The following UNC13D variants were observed in gnomAD, a reference collection of about 807,000 sequenced individuals.
UNC13D encodes the protein protein unc-13 homolog D.
Under a neutral mutation model 151.7 loss-of-function variants are expected in UNC13D, and 115 were observed. The ratio of observed to expected loss-of-function variants is 0.76; its 90% CI spans 0.65 to 0.88. UNC13D has a LOEUF of 0.88. Ranked by LOEUF, UNC13D falls within the 40% of genes least tolerant of loss-of-function variation. UNC13D has a pLI of 0.00. For missense variants in UNC13D, 1,369 were observed against 1,438.7 expected, an observed-to-expected ratio of 0.95 and a Z score of 0.78; for synonymous variants, 588 against 612.2, an observed-to-expected ratio of 0.96 and a Z score of 0.58.
At position 75,827,276 on chromosome 17, in the gene UNC13D, T is replaced by C. The variant is rs542626048; in HGVS notation, c.*689A>G. The C allele has an allele frequency of 2.1e-6, 1 of 469,664 alleles. No homozygotes were observed. 29.1% of individuals were successfully genotyped at this position (469,664 alleles called of 1,614,324 possible). ...TATTAATTTTTTTGCTAAGAAAGTT[T>C]CTAGGTGGCAGGTGCTGTCCGGGGA... On this transcript the variant is annotated 3_prime_UTR_variant, in exon 32 of 32. Coordinates refer to ENST00000207549, the MANE Select transcript of UNC13D (RefSeq NM_199242.3).
chr17:75,834,867 G>A, intron 21 of UNC13D, 53 bp downstream of exon 21: 1 of 1,613,362 alleles, frequency 6.2e-7, no homozygotes, highest in Non-Finnish European at 8.5e-7. Flanking sequence ...AACGGTGGGT[G>A]GTAGTGTGGC....
chr17:75,830,431 G>C lies in UNC13D; in HGVS notation c.2761C>G (p.Arg921Gly), dbSNP rs373079371. 8 of 1,585,614 alleles carry C rather than the reference G, an allele frequency of 5.0e-6. No homozygotes were observed. In the Admixed American group the frequency reaches 1.3e-4, roughly 25 times the overall value. Reference sequence around the variant, plus strand: ...ACACGCAGCTTCTGCTCAGAGGCGCGGTAGGAGGCCTTGACTGTCACAGCC... The same window carrying C: ...ACACGCAGCTTCTGCTCAGAGGCGCCGTAGGAGGCCTTGACTGTCACAGCC... ...LGAVTVKASY[R>G]ASEQKLRVEL... Residue 921 changes from arginine (R) to glycine (G), a missense_variant, in exon 29 of 32, where the codon CGC becomes GGC. Physicochemically the swap from Arg to Gly is moderately radical, Grantham distance 125. This residue lies in a region of UNC13D where 807 missense variants were observed against 795.5 expected (regional missense o/e 1.01). Transcript: ENST00000207549.
chr17:75,833,010 C>A lies in UNC13D; in HGVS notation c.2403G>T (p.Glu801Asp), dbSNP rs756224760. 6.2e-7 allele frequency: 1 copy of A among 1,604,406 alleles called. No individual in the cohort carries two copies. The highest frequency in any genetic ancestry group is 1.7e-5 in the Admixed American group (1 of 58,312). The part of the protein sequence containing the change: ...ILPLMKFLEV[E>D]LCYMNTNLVQ... The stretch of plus-strand genomic sequence containing the variant: ...CCAAGTTGGTGTTCATGTAGCAAAG[C>A]TCCACCTCCAGGAACTTCATCAGGG... The change falls in exon 25 of 32, where the codon GAG becomes GAT. Residue 801 changes from glutamate (E) to aspartate (D), a missense_variant. By Grantham distance (45) the Glu-to-Asp change is conservative. Around this residue, in one of 3 missense-constraint regions of UNC13D, gnomAD observed 807 missense variants for 795.5 expected, o/e 1.01. Transcript: ENST00000207549. This position sits in a 1 kb window ranked among gnomAD's most constrained non-coding sequence, Gnocchi z 4.0.
In UNC13D at chr17:75,834,662, C is replaced by G. The variant is rs766154876; in HGVS notation, c.2047G>C (p.Glu683Gln). 13 of 1,613,566 alleles carry G rather than the reference C, an allele frequency of 8.1e-6. No individual in the cohort carries two copies. In the South Asian group the frequency reaches 1.2e-4, roughly 15 times the overall value. The change falls in exon 22 of 32, where the codon GAG (glutamate) becomes CAG (glutamine). Residue 683 changes from glutamate to glutamine, a missense_variant. Glu to Gln is a conservative substitution (Grantham distance 29, BLOSUM62 2). Coordinates refer to ENST00000207549, the MANE Select transcript of UNC13D (RefSeq NM_199242.3). The stretch of plus-strand genomic sequence containing the variant: ...TGGTCCTTCTGGCCTGAAGAGAGCT[C>G]GCGGGCCCGGGCCTTTATAAGGCTG... ...YCSLIKARAR[E>Q]LSSGQKDQGQ... is the part of the protein sequence containing the mutation.
At chr17:75,842,169 A>G (rs558321555) in intron 6 of UNC13D, among the ~76,000 whole-genome samples, 1 of 152,240 alleles carries the variant, frequency 6.6e-6, no homozygotes, top group South Asian at 2.1e-4. Flanking sequence ...GCCTCCTTTC[A>G]GGTACAGCTT....
rs201146973 is a variant in UNC13D at position 75,828,804 on chromosome 17, G to A, written c.3134C>T (p.Thr1045Met). ...GEVPQTRLPL[T>M]YPAPNGDPIL... ...AGGCCTACCGTTGGGTGCGGGGTAC[G>A]TGAGGGGCAGGCGGGTCTGAGGCAC... is the stretch of plus-strand genomic sequence containing the variant. The change falls in exon 31 of 32, where the codon ACG becomes ATG. Residue 1045 changes from threonine (T) to methionine (M), a missense_variant. Physicochemically the swap from Thr to Met is moderately conservative, Grantham distance 81. Around this residue, in one of 3 missense-constraint regions of UNC13D, gnomAD observed 807 missense variants for 795.5 expected, o/e 1.01. Transcript: ENST00000207549. The A allele has an allele frequency of 4.3e-5, 67 of 1,554,470 alleles. No homozygotes were observed. The East Asian group carries it at 1.0e-3, about 23-fold the overall frequency.
At chr17:75,844,087 G>T in intron 1 of UNC13D, 134 bp downstream of exon 1, 1 of 1,495,378 alleles carries the variant, frequency 6.7e-7, no homozygotes, top group Non-Finnish European at 9.1e-7. Context: ...CTCTCCCCAG[G>T]GTGGAGTAGG....
Position 75,835,102 on chromosome 17 carries a change from C to T in UNC13D, c.1849-39G>A, listed in dbSNP as rs78957207. ...GGAGGACTCAGGATACTGCCAAATC[C>T]ACCCCCTTCCCTCCTTCCTTCATTC... On this transcript the variant is annotated intron_variant, in intron 20 of 31. Transcript: ENST00000207549. 8.1e-6 allele frequency: 13 copies of T among 1,611,526 alleles called. No homozygotes were observed. The East Asian group carries it at 2.7e-4, about 33-fold the overall frequency.
intron 25 of UNC13D, 67 bp from the exon 26 acceptor site, chr17:75,831,415 G>A (rs1051764911): frequency 1.6e-5 from 24 of 1,463,050 alleles, no homozygotes; most frequent in African/African-American, 4.2e-5. Context: ...AAGCAAAGAC[G>A]CTCTTGAGAA....
chr17:75,828,282 C>CA (rs1305324430), intron 31 of UNC13D, among the ~76,000 whole-genome samples, 196 bp from the exon 32 acceptor site: 1 of 152,198 alleles, frequency 6.6e-6, no homozygotes, highest in African/African-American at 2.4e-5. Flanking sequence ...GCGTAACAGA[C>CA]AGAGTGCTGC....
intron 30 of UNC13D, among the ~76,000 whole-genome samples, chr17:75,829,270 T>G (rs935846698): frequency 6.6e-6 from 1 of 152,220 alleles, no homozygotes; most frequent in Non-Finnish European, 1.5e-5. Flanking sequence ...GTTAAACACC[T>G]GGGAGTCCAC....
At chr17:75,837,317 C>T (rs905549205) in intron 12 of UNC13D, among the ~76,000 whole-genome samples, 4 of 151,366 alleles carry the variant, frequency 2.6e-5, no homozygotes, top group African/African-American at 4.8e-5. Context: ...CCACCCGCCT[C>T]GGCCTCCCAA....
Position 75,833,176 on chromosome 17 carries a change from G to C in UNC13D, c.2368-131C>G. 1.2e-6 allele frequency: 1 copy of C among 862,636 alleles called. No homozygotes were observed. The highest frequency in any genetic ancestry group is 1.8e-6 in the Non-Finnish European group (1 of 541,984). The allele number at this position is 862,636 out of a possible 1,614,324, so 53.4% of individuals were successfully genotyped here. A position where few individuals can be genotyped will look rare whatever the true frequency, so the allele number is the denominator to read the frequency against. ...TGAGAGCAGTTTGTAGTGTCTGTAA[G>C]AGGCCGGCCTGCCCACCTCTCTGCC... On this transcript the variant is annotated intron_variant, in intron 24 of 31. Coordinates refer to ENST00000207549, the MANE Select transcript of UNC13D (RefSeq NM_199242.3). The surrounding 1 kb of genome is among the most constrained non-coding windows in gnomAD (Gnocchi z 4.0).
intron 31 of UNC13D, 40 bp downstream of exon 31, chr17:75,828,747 C>T (rs1250830834): frequency 1.3e-6 from 2 of 1,486,872 alleles, no homozygotes; most frequent in Non-Finnish European, 1.8e-6. Flanking sequence ...GCTTTACAGG[C>T]TCCCGTCCCC....
At position 75,843,159 on chromosome 17, in the gene UNC13D, C is replaced by G; in HGVS notation, c.261G>C (p.Glu87Asp). ...GGGGTGGGGTGGGAGCCGGGCTCAC[C>G]TCCTGCAGGTATCGCAGCAGCTCAG... ...EASELLRYLQ[E>D]AFHVEPEEHQ... is the part of the protein sequence containing the mutation. Residue 87 changes from glutamate (E) to aspartate (D), a missense_variant and splice_region_variant, in exon 3 of 32, where the codon GAG (glutamate) becomes GAC (aspartate). Around this residue, in one of 3 missense-constraint regions of UNC13D, gnomAD observed 550 missense variants for 609.0 expected, o/e 0.90. Coordinates refer to ENST00000207549, the MANE Select transcript of UNC13D (RefSeq NM_199242.3). 6.2e-7 allele frequency: 1 copy of G among 1,611,926 alleles called. No individual in the cohort carries two copies. Among genetic ancestry groups the G allele is most frequent in the Non-Finnish European group, 8.5e-7 (1 of 1,179,944 alleles).
Position 75,836,593 on chromosome 17 carries a change from G to A in UNC13D, c.1277C>T (p.Ala426Val). The change falls in exon 14 of 32, where the codon GCC (alanine) becomes GTC (valine). Residue 426 changes from alanine to valine, a missense_variant. Around this residue, in one of 3 missense-constraint regions of UNC13D, gnomAD observed 550 missense variants for 609.0 expected, o/e 0.90. Transcript: ENST00000207549. Reference sequence around the variant, plus strand: ...TGACCTGAGAAGAGACTGCAGCCGGGCTGGGGAGTCCGAGACAGAGAGGGG... The same window carrying A: ...TGACCTGAGAAGAGACTGCAGCCGGACTGGGGAGTCCGAGACAGAGAGGGG... ...VFPLSVSDSP[A>V]RLQSLLRVLV... The A allele has an allele frequency of 4.3e-6, 7 of 1,613,808 alleles. No individual in the cohort carries two copies. Among genetic ancestry groups the A allele is most frequent in the Non-Finnish European group, 5.9e-6 (7 of 1,180,030 alleles).
chr17:75,840,236 T>C lies in UNC13D; in HGVS notation c.847A>G (p.Ile283Val), dbSNP rs61754871. 2,314 of 1,613,934 alleles carry C rather than the reference T, an allele frequency of 1.4e-3. 36 individuals are homozygous for C. In the African/African-American group the frequency reaches 0.026, roughly 18 times the overall value. The change falls in exon 10 of 32, where the codon ATC becomes GTC. Residue 283 changes from isoleucine to valine, a missense_variant. Coordinates refer to ENST00000207549, the MANE Select transcript of UNC13D (RefSeq NM_199242.3). The surrounding 1 kb of genome is among the most constrained non-coding windows in gnomAD (Gnocchi z 4.6). ...AGTACCCGACCTACCCGCTTATGGATGAGTTGGAACTGGAGGTGGCACTGG... is the reference window on the plus strand; with the variant it reads ...AGTACCCGACCTACCCGCTTATGGACGAGTTGGAACTGGAGGTGGCACTGG... Reference protein sequence around the residue: ...RGQCHLQFQLIHKRRATSASR... With the variant: ...RGQCHLQFQLVHKRRATSASR...
Position 75,827,726 on chromosome 17 carries a change from G to A in UNC13D, c.*239C>T. The A allele has an allele frequency of 6.6e-7, 1 of 1,508,516 alleles. No individual in the cohort carries two copies. Among genetic ancestry groups the A allele is most frequent in the Non-Finnish European group, 8.9e-7 (1 of 1,129,606 alleles). 93.4% of individuals were successfully genotyped at this position (1,508,516 alleles called of 1,614,324 possible). A position where few individuals can be genotyped will look rare whatever the true frequency, so the allele number is the denominator to read the frequency against. ...GGTTTGCTCCCCCTGGTGCTGGGAT[G>A]TGGTAGAGACATTGCAGCCAGGGCT... On this transcript the variant is annotated 3_prime_UTR_variant, in exon 32 of 32. Coordinates refer to ENST00000207549, the MANE Select transcript of UNC13D (RefSeq NM_199242.3).
rs1178312631 is a variant in UNC13D, at chr17:75,836,005, T to A, written c.1544+7A>T. 6.2e-7 allele frequency: 1 copy of A among 1,614,136 alleles called. No individual in the cohort carries two copies. Among genetic ancestry groups the A allele is most frequent in the African/African-American group, 1.3e-5 (1 of 75,058 alleles). On this transcript the variant is annotated splice_region_variant and intron_variant, in intron 17 of 31. Transcript: ENST00000207549. ...CCCACTACCTCCCGACCTGGCTATC[T>A]GCTCACTTGTGGAAGATCTTGTCCC... is the stretch of plus-strand genomic sequence containing the variant.
Sources: gnomAD v4.1 joint callset for allele counts (sites outside exome capture counted in the v4.1 genomes callset) on GRCh38, gnomAD v4.1.1 for gene constraint, gnomAD v4.1.1 regional missense constraint, Gnocchi (gnomAD v3.1) non-coding constraint, MANE v1.5 for transcripts, NCBI Gene and HGNC (gene_info 2026-07-23, HGNC 2026-07-21) for gene names.